Variants in GUCY1A1 observed in about 807,000 individuals in gnomAD.
GUCY1A1 encodes guanylate cyclase 1 soluble subunit alpha 1.
In GUCY1A1, 48 loss-of-function variants were observed where a neutral mutation model predicts 64.5. The ratio of observed to expected loss-of-function variants is 0.74; its 90% confidence interval spans 0.59 to 0.95. GUCY1A1 has a LOEUF of 0.95. Ranked by LOEUF, GUCY1A1 falls within the 40% of genes least tolerant of loss-of-function variation. The pLI is 0.00. For synonymous variants in GUCY1A1, 308 were observed against 303.4 expected, an observed-to-expected ratio of 1.02 and a Z score of -0.16; for missense variants, 804 against 825.3, an observed-to-expected ratio of 0.97 and a Z score of 0.32.
intron 2 of GUCY1A1, among the ~76,000 whole-genome samples, chr4:155,681,606 C>A (rs1253971758): frequency 1.3e-5 from 2 of 152,160 alleles, no homozygotes; most frequent in Non-Finnish European, 2.9e-5. Context: ...TTGTGACATA[C>A]ACTTCTTTTC....
chr4:155,688,240 C>CAAA (rs879491708), intron 2 of GUCY1A1, among the ~76,000 whole-genome samples: 2 of 144,534 alleles, frequency 1.4e-5, no homozygotes, highest in African/African-American at 5.2e-5. Context: ...AACAAACAAA[C>CAAA]AAAAAAAAAA....
At chr4:155,669,921 C>T (rs1733898540) in intron 2 of GUCY1A1, among the ~76,000 whole-genome samples, 1 of 152,072 alleles carries the variant, frequency 6.6e-6, no homozygotes, top group African/African-American at 2.4e-5. Flanking sequence ...GATCTGCACC[C>T]CCATAATTTC....
intron 2 of GUCY1A1, among the ~76,000 whole-genome samples, chr4:155,675,914 T>C (rs1734842553): frequency 6.6e-6 from 1 of 151,466 alleles, no homozygotes; most frequent in South Asian, 2.1e-4. Flanking sequence ...AAGTTGTATA[T>C]GAGGGATATC....
intron 8 of GUCY1A1, among the ~76,000 whole-genome samples, chr4:155,720,605 G>A (rs1282220335): frequency 1.3e-5 from 2 of 152,106 alleles, no homozygotes; most frequent in Non-Finnish European, 2.9e-5. Context: ...CAAAGTTCCT[G>A]ATTCACAGTC....
chr4:155,733,379 G>C lies in GUCY1A1; in HGVS notation c.*3148G>C, dbSNP rs976384094. Among the ~76,000 whole-genome samples, 2 of 151,680 alleles carry C rather than the reference G, an allele frequency of 1.3e-5. No homozygotes were observed. Among genetic ancestry groups the C allele is most frequent in the African/African-American group, 4.8e-5 (2 of 41,320 alleles). ...AGAGATGGGGTCTTGAGGGTGCATA[G>C]TACATTCTGGACAGCCAGTTACCTG... On this transcript the variant is annotated 3_prime_UTR_variant, in exon 10 of 10. Coordinates refer to ENST00000506455, the MANE Select transcript of GUCY1A1 (RefSeq NM_001130682.3).
Position 155,735,724 on chromosome 4 carries a change from T to C in GUCY1A1, c.*5493T>C, listed in dbSNP as rs1172882078. ...TTGAGGAAAGAGCTATGAGGTAGTT[T>C]CAGAGAAAGTGAAAACAAAACAAAG... On this transcript the variant is annotated 3_prime_UTR_variant, in exon 10 of 10. Coordinates refer to ENST00000506455, the MANE Select transcript of GUCY1A1 (RefSeq NM_001130682.3). 2 of 151,942 alleles carry C rather than the reference T, an allele frequency of 1.3e-5. No homozygotes were observed. The highest frequency in any genetic ancestry group is 2.9e-5 in the Non-Finnish European group (2 of 67,936). The allele number at this position is 151,942 out of a possible 1,614,324, so 9.4% of individuals were successfully genotyped here.
chr4:155,667,736 C>A (rs957293453), intron 2 of GUCY1A1: 4 of 151,308 alleles, frequency 2.6e-5, no homozygotes, highest in Non-Finnish European at 4.4e-5. Flanking sequence ...ACGCGCGGGG[C>A]GCGCCGGGGC....
intron 2 of GUCY1A1, among the ~76,000 whole-genome samples, chr4:155,683,856 A>C (rs1486430049): frequency 6.6e-6 from 1 of 152,334 alleles, no homozygotes; most frequent in East Asian, 1.9e-4. Flanking sequence ...AAGTTTTCTC[A>C]AAGTATTCCC....
At chr4:155,675,369 G>T (rs531549615) in intron 2 of GUCY1A1, among the ~76,000 whole-genome samples, 5 of 151,540 alleles carry the variant, frequency 3.3e-5, no homozygotes, top group Admixed American at 3.3e-4. Context: ...AGTTACAAAT[G>T]TAGCATTGAA....
intron 5 of GUCY1A1, among the ~76,000 whole-genome samples, chr4:155,709,442 T>A (rs1393917540): frequency 6.6e-6 from 1 of 152,226 alleles, no homozygotes; most frequent in Non-Finnish European, 1.5e-5. Context: ...TAATTAAGCA[T>A]ACTATTATGT....
At chr4:155,679,789 C>T (rs912809085) in intron 2 of GUCY1A1, among the ~76,000 whole-genome samples, 3 of 152,148 alleles carry the variant, frequency 2.0e-5, no homozygotes, top group Non-Finnish European at 4.4e-5. Context: ...ATTTCTATTT[C>T]TATATGGATT....
At chr4:155,691,910 C>A (rs1444849302) in intron 2 of GUCY1A1, among the ~76,000 whole-genome samples, 1 of 151,934 alleles carries the variant, frequency 6.6e-6, no homozygotes, top group Non-Finnish European at 1.5e-5. Flanking sequence ...AGCCTAGTAC[C>A]CATTAGTTAT....
At chr4:155,685,545 G>A (rs1728866323) in intron 2 of GUCY1A1, among the ~76,000 whole-genome samples, 1 of 150,840 alleles carries the variant, frequency 6.6e-6, no homozygotes, top group Non-Finnish European at 1.5e-5. Flanking sequence ...TCCAGCTTCC[G>A]CAGCTCCTCC....
intron 2 of GUCY1A1, among the ~76,000 whole-genome samples, chr4:155,675,024 G>A (rs755362971): frequency 3.3e-5 from 5 of 151,446 alleles, no homozygotes; most frequent in Non-Finnish European, 7.4e-5. Context: ...CAGTCACTAA[G>A]GAATGGGAAT....
Position 155,696,855 on chromosome 4 carries a change from A to T in GUCY1A1, c.-13A>T. On this transcript the variant is annotated 5_prime_UTR_variant, in exon 3 of 10. Transcript: ENST00000506455. ...CAGGAGGAGATCGCAGCAGGGTAAG[A>T]GACACCAACACCATGTTCTGCACGA... is the stretch of plus-strand genomic sequence containing the variant. 1 of 1,612,770 alleles carries T rather than the reference A, an allele frequency of 6.2e-7. No individual in the cohort carries two copies. Among genetic ancestry groups the T allele is most frequent in the Non-Finnish European group, 8.5e-7 (1 of 1,178,936 alleles).
In GUCY1A1 at chr4:155,691,931, C is replaced by A. The variant is rs185602460; in HGVS notation, c.-112-4825C>A. Reference sequence around the variant, plus strand: ...GTACCCATTAGTTATTTTTCTTGATCCCCTCCCTCCTTTCACCCTTTACAG... The same window carrying A: ...GTACCCATTAGTTATTTTTCTTGATACCCTCCCTCCTTTCACCCTTTACAG... On this transcript the variant is annotated intron_variant, in intron 2 of 9. Transcript: ENST00000506455. 4.1e-4 allele frequency among the ~76,000 whole-genome samples: 63 copies of A among 152,184 alleles called. 1 individual carries two copies. The highest frequency in any genetic ancestry group is 3.7e-4 in the Non-Finnish European group (25 of 68,006).
In GUCY1A1 at chr4:155,733,143, C is replaced by T. The variant is rs1345767982; in HGVS notation, c.*2912C>T. Among the ~76,000 whole-genome samples the T allele has an allele frequency of 1.3e-5, 2 of 151,614 alleles. No individual in the cohort carries two copies. The highest frequency in any genetic ancestry group is 2.9e-5 in the Non-Finnish European group (2 of 67,826). On this transcript the variant is annotated 3_prime_UTR_variant, in exon 10 of 10. Transcript: ENST00000506455. ...GAATTTATTGAATGCCTACTATGTG[C>T]CAGGAATATTGCTATATTTTTGAAA... is the stretch of plus-strand genomic sequence containing the variant.
intron 8 of GUCY1A1, among the ~76,000 whole-genome samples, chr4:155,718,403 C>CT (rs1733539481): frequency 6.6e-6 from 1 of 152,084 alleles, no homozygotes; most frequent in African/African-American, 2.4e-5. Context: ...GTGCAACATA[C>CT]TTTTCTAAAT....
chr4:155,702,009 A>ATCAT (rs34961017), intron 3 of GUCY1A1, among the ~76,000 whole-genome samples: 36,042 of 150,802 alleles, frequency 0.24, 4,393 homozygotes, highest in Middle Eastern at 0.29. Context: ...GCAGGTGGAC[A>ATCAT]TCATTCATTC....
Sources: gnomAD v4.1 joint callset for allele counts (sites outside exome capture counted in the v4.1 genomes callset) on GRCh38, gnomAD v4.1.1 for gene constraint, MANE v1.5 for transcripts, NCBI Gene and HGNC (gene_info 2026-07-23, HGNC 2026-07-21) for gene names.